TRAPPC9: variants seen among roughly 807,000 people sequenced by gnomAD.
TRAPPC9 encodes the protein trafficking protein particle complex subunit 9.
In TRAPPC9, 83 loss-of-function variants were observed where a neutral mutation model predicts 124.0. The ratio of observed to expected loss-of-function variants is 0.67; its 90% confidence interval spans 0.56 to 0.80. The LOEUF (loss-of-function observed/expected upper bound fraction) is 0.80, where lower values mean the gene tolerates loss of function less well. Among genes scored for constraint, TRAPPC9 ranks in the 30% least tolerant of loss-of-function variants. The probability of loss-of-function intolerance (pLI) is 0.00; values close to 1 mark genes in which losing one functional copy is unlikely to be tolerated. For synonymous variants in TRAPPC9, 638 were observed against 617.5 expected, an observed-to-expected ratio of 1.03 and a Z score of -0.49; for missense variants, 1,302 against 1,508.3, an observed-to-expected ratio of 0.86 and a Z score of 2.27.
At chr8:140,458,390 G>C, upstream of TRAPPC9, 1 of 1,597,908 alleles carries the variant, frequency 6.3e-7, no homozygotes. Flanking sequence ...TGACCCTCAC[G>C]GTACCCCCCG....
intron 16 of TRAPPC9, among the ~76,000 whole-genome samples, chr8:140,249,759 A>G (rs1030132453): frequency 3.3e-5 from 5 of 151,410 alleles, no homozygotes; most frequent in Non-Finnish European, 7.4e-5. Flanking sequence ...ACCCGCCACC[A>G]CGCCCGGCTA....
chr8:140,110,955 C>T (rs899719471), intron 17 of TRAPPC9, among the ~76,000 whole-genome samples: 1 of 89,602 alleles, frequency 1.1e-5, no homozygotes, highest in Non-Finnish European at 2.2e-5. Context: ...TGCAGTAGCT[C>T]CCCCCTGCAG....
intron 8 of TRAPPC9, among the ~76,000 whole-genome samples, chr8:140,368,047 G>A (rs1212372597): frequency 6.6e-6 from 1 of 152,160 alleles, no homozygotes; most frequent in African/African-American, 2.4e-5. Flanking sequence ...GACCTCTCCA[G>A]GTCTCCTCTA....
chr8:139,975,475 G>A (rs1410770457), intron 19 of TRAPPC9, among the ~76,000 whole-genome samples: 1 of 152,222 alleles, frequency 6.6e-6, no homozygotes, highest in Admixed American at 6.5e-5. Flanking sequence ...CCCACAGGAG[G>A]CTTTCAAGCC....
intron 19 of TRAPPC9, among the ~76,000 whole-genome samples, chr8:139,952,832 A>G (rs139610581): frequency 6.6e-6 from 1 of 152,226 alleles, no homozygotes; most frequent in Non-Finnish European, 1.5e-5. Context: ...CATCACATCC[A>G]TTCTCTAATC....
intron 16 of TRAPPC9, among the ~76,000 whole-genome samples, chr8:140,236,508 C>T (rs2063734635): frequency 6.6e-6 from 1 of 152,166 alleles, no homozygotes; most frequent in South Asian, 2.1e-4. Context: ...CTGGAGGGTG[C>T]TGAAAATTAT....
intron 13 of TRAPPC9, among the ~76,000 whole-genome samples, chr8:140,286,268 C>T (rs951966462): frequency 1.3e-5 from 2 of 152,078 alleles, no homozygotes; most frequent in African/African-American, 4.8e-5. Flanking sequence ...GAGGAGGTTG[C>T]GGAGGCCAGC....
Position 139,751,349 on chromosome 8 carries a change from T to G in TRAPPC9, c.3056-19147A>C, listed in dbSNP as rs922078256. ...CAGCACCTGGGATTGACCCCCGCCA[T>G]GGCATATAAGTAAGCCTGGCCCTTT... On this transcript the variant is annotated intron_variant, in intron 21 of 22. Transcript: ENST00000438773. Among the ~76,000 whole-genome samples, 3 of 152,190 alleles carry G rather than the reference T, an allele frequency of 2.0e-5. 1 individual carries two copies. Among genetic ancestry groups the G allele is most frequent in the Admixed American group, 2.0e-4 (3 of 15,286 alleles).
intron 4 of TRAPPC9, among the ~76,000 whole-genome samples, chr8:140,431,118 C>G (rs115826915): frequency 6.6e-6 from 1 of 152,102 alleles, no homozygotes; most frequent in Non-Finnish European, 1.5e-5. Flanking sequence ...GGCTACATAA[C>G]GGCCATGTCT....
At chr8:139,771,231 T>C (rs1820937186) in intron 21 of TRAPPC9, among the ~76,000 whole-genome samples, 1 of 152,188 alleles carries the variant, frequency 6.6e-6, no homozygotes. Flanking sequence ...CTTTTGAAAC[T>C]TAACGCATCA....
chr8:139,755,375 A>T (rs910281486), intron 21 of TRAPPC9, among the ~76,000 whole-genome samples: 22 of 131,840 alleles, frequency 1.7e-4, no homozygotes, highest in Non-Finnish European at 1.6e-5. Flanking sequence ...AGGAGGAGCC[A>T]GGGTTGGGGA....
At chr8:140,003,510 G>A (rs534562523) in intron 18 of TRAPPC9, among the ~76,000 whole-genome samples, 60 of 151,470 alleles carry the variant, frequency 4.0e-4, no homozygotes, top group African/African-American at 1.3e-3. Flanking sequence ...GCTAAGGCAG[G>A]AGAATCGCTT....
intron 20 of TRAPPC9, chr8:139,908,633 C>T (rs1164151315): frequency 6.6e-6 from 1 of 152,308 alleles, no homozygotes; most frequent in East Asian, 1.9e-4. Context: ...TGGTCCCTGG[C>T]CCTACCCCTC....
At chr8:140,413,588 C>T (rs561221128) in intron 5 of TRAPPC9, among the ~76,000 whole-genome samples, 1 of 149,972 alleles carries the variant, frequency 6.7e-6, no homozygotes, top group East Asian at 2.0e-4. Context: ...TATACATGTG[C>T]CATGCTGGTG....
chr8:140,034,681 T>C (rs1393000450), intron 17 of TRAPPC9, among the ~76,000 whole-genome samples: 1 of 152,228 alleles, frequency 6.6e-6, no homozygotes, highest in African/African-American at 2.4e-5. Context: ...AGTAGGCTCA[T>C]ACTGTGCTCC....
Position 140,289,794 on chromosome 8 carries a change from G to A in TRAPPC9, c.1854+1199C>T, listed in dbSNP as rs560833473. On this transcript the variant is annotated intron_variant, in intron 12 of 22. Transcript: ENST00000438773. ...CTAAGGCTGAGACAGAAAGCCACAGGAAAGGCCAGAGCCAAATCCTACTGC... is the reference window on the plus strand; with the variant it reads ...CTAAGGCTGAGACAGAAAGCCACAGAAAAGGCCAGAGCCAAATCCTACTGC... Among the ~76,000 whole-genome samples, 3 of 152,160 alleles carry A rather than the reference G, an allele frequency of 2.0e-5. No homozygotes were observed. The South Asian group carries it at 6.2e-4, about 31-fold the overall frequency.
At chr8:140,408,477 C>T (rs2069577857) in intron 5 of TRAPPC9, among the ~76,000 whole-genome samples, 1 of 152,048 alleles carries the variant, frequency 6.6e-6, no homozygotes, top group Non-Finnish European at 1.5e-5. Context: ...AGATGGATGC[C>T]GCTTGAGAAA....
intron 15 of TRAPPC9, among the ~76,000 whole-genome samples, chr8:140,256,600 A>G (rs1367947429): frequency 1.3e-5 from 2 of 152,124 alleles, no homozygotes; most frequent in East Asian, 3.9e-4. Context: ...ACCCTCCCAC[A>G]AGACGCTGGA....
At chr8:140,146,606 A>G (rs2061466932) in intron 17 of TRAPPC9, among the ~76,000 whole-genome samples, 1 of 152,238 alleles carries the variant, frequency 6.6e-6, no homozygotes, top group Non-Finnish European at 1.5e-5. Context: ...CTACTTTAAA[A>G]GACTTTTCTT....
Sources: gnomAD v4.1 joint callset for allele counts (sites outside exome capture counted in the v4.1 genomes callset) on GRCh38, gnomAD v4.1.1 for gene constraint, MANE v1.5 for transcripts, NCBI Gene and HGNC (gene_info 2026-07-23, HGNC 2026-07-21) for gene names.